The following PPM1H variants were observed in gnomAD, a reference collection of about 807,000 sequenced individuals.
The protein encoded by PPM1H is protein phosphatase 1H.
Under a neutral mutation model 54.9 loss-of-function variants are expected in PPM1H, and 27 were observed. The observed-to-expected ratio is 0.49, with a 90% CI of 0.36 to 0.68. The LOEUF (loss-of-function observed/expected upper bound fraction) is 0.68. Among genes scored for constraint, PPM1H ranks in the 30% least tolerant of loss-of-function variants. The pLI, the probability that PPM1H is intolerant of heterozygous loss-of-function variation, is 0.00. For missense variants in PPM1H, 596 were observed against 667.8 expected, an observed-to-expected ratio of 0.89 and a Z score of 1.19; for synonymous variants, 305 against 270.8, an observed-to-expected ratio of 1.13 and a Z score of -1.24.
intron 8 of PPM1H, among the ~76,000 whole-genome samples, chr12:62,674,387 C>T (rs1327867182): frequency 6.6e-6 from 1 of 152,204 alleles, no homozygotes; most frequent in Non-Finnish European, 1.5e-5. Flanking sequence ...ATCTTGTCCC[C>T]TCTATTTCAT....
Position 62,728,243 on chromosome 12 carries a change from C to T in PPM1H, c.955-7954G>A, listed in dbSNP as rs141537773. Among the ~76,000 whole-genome samples, 20 of 152,222 alleles carry T rather than the reference C, an allele frequency of 1.3e-4. No individual in the cohort carries two copies. The East Asian group carries it at 2.5e-3, about 19-fold the overall frequency. On this transcript the variant is annotated intron_variant, in intron 5 of 9. Transcript: ENST00000228705. ...GAGCACAGATTTGTTAAAGAGAATACGACATATCCTCATCACTTAGTGATC... is the reference window on the plus strand; with the variant it reads ...GAGCACAGATTTGTTAAAGAGAATATGACATATCCTCATCACTTAGTGATC...
intron 8 of PPM1H, among the ~76,000 whole-genome samples, chr12:62,672,637 T>C (rs2075963040): frequency 6.6e-6 from 1 of 152,214 alleles, no homozygotes; most frequent in Admixed American, 6.5e-5. Context: ...GATCAACTCC[T>C]TTAGGGATAA....
chr12:62,790,275 T>C (rs2663948), intron 3 of PPM1H, among the ~76,000 whole-genome samples: 132,302 of 152,286 alleles, frequency 0.87, 57,562 homozygotes, highest in African/African-American at 0.91. Context: ...GGATATCATA[T>C]TGGTTAAAGA....
At chr12:62,893,610 C>T (rs1374009144) in intron 1 of PPM1H, among the ~76,000 whole-genome samples, 1 of 151,892 alleles carries the variant, frequency 6.6e-6, no homozygotes, top group Non-Finnish European at 1.5e-5. Flanking sequence ...ATGCATGCCA[C>T]CATGCCTGGC....
intron 1 of PPM1H, among the ~76,000 whole-genome samples, chr12:62,836,361 C>T (rs1868504073): frequency 6.6e-6 from 1 of 152,236 alleles, no homozygotes; most frequent in South Asian, 2.1e-4. Flanking sequence ...CAGAAATCAA[C>T]TCTGCTACTT....
chr12:62,740,262 G>GCTA (rs1387779429), intron 4 of PPM1H, among the ~76,000 whole-genome samples: 2 of 152,098 alleles, frequency 1.3e-5, no homozygotes, highest in African/African-American at 4.8e-5. Context: ...TCTACACCCA[G>GCTA]CTACTGTCAC....
At chr12:62,792,768 C>T (rs2076707757) in intron 3 of PPM1H, among the ~76,000 whole-genome samples, 2 of 152,310 alleles carry the variant, frequency 1.3e-5, no homozygotes, top group South Asian at 2.1e-4. Context: ...TCCCTACATA[C>T]ACCACCTACT....
chr12:62,786,207 T>C (rs1030692941), intron 4 of PPM1H, among the ~76,000 whole-genome samples: 1 of 152,262 alleles, frequency 6.6e-6, no homozygotes, highest in Non-Finnish European at 1.5e-5. Flanking sequence ...GCTGCTCTCC[T>C]CTGTCTACCG....
chr12:62,721,150 CA>C (rs1253505854), intron 5 of PPM1H: 13 of 152,242 alleles, frequency 8.5e-5, no homozygotes, highest in Admixed American at 8.5e-4. Flanking sequence ...TGTAGGAAAG[CA>C]AGGGATCTCT....
At chr12:62,807,143 A>C (rs1287656558) in intron 2 of PPM1H, among the ~76,000 whole-genome samples, 1 of 152,208 alleles carries the variant, frequency 6.6e-6, no homozygotes, top group Non-Finnish European at 1.5e-5. Context: ...GAGAGTGAGG[A>C]GCAAGATGAG....
chr12:62,690,935 C>T (rs2076079213), intron 7 of PPM1H, among the ~76,000 whole-genome samples: 1 of 152,184 alleles, frequency 6.6e-6, no homozygotes, highest in African/African-American at 2.4e-5. Context: ...CATGCCACTG[C>T]AGTCTAGCCT....
chr12:62,845,854 T>G (rs1050662441), intron 1 of PPM1H, among the ~76,000 whole-genome samples: 15 of 152,198 alleles, frequency 9.9e-5, no homozygotes, highest in African/African-American at 3.6e-4. Flanking sequence ...TCTCCTTCCT[T>G]CTGCTGTCTC....
chr12:62,738,068 G>A (rs1418300045), intron 4 of PPM1H, among the ~76,000 whole-genome samples: 3 of 152,120 alleles, frequency 2.0e-5, no homozygotes, highest in South Asian at 2.1e-4. Context: ...TGAATTTTTC[G>A]TTTTATTGAA....
intron 1 of PPM1H, among the ~76,000 whole-genome samples, chr12:62,920,954 T>C (rs1240735042): frequency 6.6e-6 from 1 of 152,182 alleles, no homozygotes; most frequent in Non-Finnish European, 1.5e-5. Context: ...AGACAGAGTC[T>C]CACTCTGTCG....
chr12:62,691,277 G>A (rs149548203), intron 7 of PPM1H, among the ~76,000 whole-genome samples: 2 of 152,258 alleles, frequency 1.3e-5, no homozygotes, highest in East Asian at 3.9e-4. Context: ...GTAGTGAAAT[G>A]GTTCAAAGAC....
chr12:62,893,140 A>G (rs537643511), intron 1 of PPM1H, among the ~76,000 whole-genome samples: 1 of 152,356 alleles, frequency 6.6e-6, no homozygotes, highest in South Asian at 2.1e-4. Flanking sequence ...GAGTTTTAAA[A>G]TAAGAAAATA....
chr12:62,908,934 T>C (rs907705862), intron 1 of PPM1H, among the ~76,000 whole-genome samples: 1 of 152,140 alleles, frequency 6.6e-6, no homozygotes, highest in African/African-American at 2.4e-5. Flanking sequence ...AGGGGTGGAT[T>C]TGGGATTGGA....
At chr12:62,894,390 G>A (rs531001315) in intron 1 of PPM1H, among the ~76,000 whole-genome samples, 3 of 152,256 alleles carry the variant, frequency 2.0e-5, no homozygotes, top group South Asian at 2.1e-4. Context: ...AGATGAGAAC[G>A]TTGCTCCTCG....
At chr12:62,795,631 A>G (rs2076728896) in intron 3 of PPM1H, among the ~76,000 whole-genome samples, 1 of 151,670 alleles carries the variant, frequency 6.6e-6, no homozygotes, top group Non-Finnish European at 1.5e-5. Flanking sequence ...TTTTTAGTAG[A>G]GACGGGGTTT....
Sources: allele counts gnomAD v4.1 joint callset (sites outside exome capture counted in the v4.1 genomes callset), GRCh38; gene constraint gnomAD v4.1.1; transcripts MANE v1.5; gene names NCBI Gene and HGNC (gene_info 2026-07-23, HGNC 2026-07-21).